SNAP29: variants seen among roughly 807,000 people sequenced by gnomAD.
SNAP29 encodes the protein synaptosomal-associated protein 29.
SNAP29 carries 13 observed loss-of-function variants against 27.9 expected under a neutral mutation model. The observed-to-expected ratio is 0.47, with a 90% CI of 0.30 to 0.74. The LOEUF is 0.74. SNAP29 is among the 30% of genes least tolerant of loss of function. The probability of loss-of-function intolerance (pLI) is 0.06; values close to 1 mark genes in which losing one functional copy is unlikely to be tolerated. For missense variants in SNAP29, 368 were observed against 336.5 expected (o/e 1.09, Z -0.73); for synonymous variants, 119 against 127.1 (o/e 0.94, Z 0.43).
At position 20,874,307 on chromosome 22, in the gene SNAP29, G is replaced by GAC. The variant is rs201563524; in HGVS notation, c.434+3782_434+3783dup. Reference sequence around the variant, plus strand: ...ACAGAGCAAGACTCTGACACACACAGACACACACAGACACACACACACACA... The same window carrying GAC: ...ACAGAGCAAGACTCTGACACACACAGACACACACACAGACACACACACACACA... On this transcript the variant is annotated intron_variant, in intron 2 of 4. Transcript: ENST00000215730. 2.5e-3 allele frequency among the ~76,000 whole-genome samples: 298 copies of GAC among 117,684 alleles called. 5 individuals carry two copies. The East Asian group carries it at 0.053, about 21-fold the overall frequency. The allele number at this position is 117,684 out of a possible 152,430, so 77.2% of individuals were successfully genotyped here.
Position 20,883,499 on chromosome 22 carries a change from C to A in SNAP29, c.549C>A (p.Ala183=). 6.2e-7 allele frequency: 1 copy of A among 1,613,370 alleles called. No homozygotes were observed. Among genetic ancestry groups the A allele is most frequent in the South Asian group, 1.1e-5 (1 of 91,040 alleles). The change falls in exon 4 of 5, where the codon GCC becomes GCA. Residue 183 remains alanine (A), a synonymous_variant. Coordinates refer to ENST00000215730, the MANE Select transcript of SNAP29 (RefSeq NM_004782.4). ...TDPVPRGAGS[A]MSTDAYPKNP... is the part of the protein sequence containing the mutation. Reference sequence around the variant, plus strand: ...CTGTCCCCAGAGGGGCTGGTTCTGCCATGAGTACTGATGCTTACCCAAAGA... The same window carrying A: ...CTGTCCCCAGAGGGGCTGGTTCTGCAATGAGTACTGATGCTTACCCAAAGA...
chr22:20,866,246 GACCCGA>G (rs1928456621), intron 1 of SNAP29, among the ~76,000 whole-genome samples: 1 of 152,192 alleles, frequency 6.6e-6, no homozygotes, highest in Non-Finnish European at 1.5e-5. Flanking sequence ...TGCACCCTAA[GACCCGA>G]TTTGTCTCTG....
intron 1 of SNAP29, among the ~76,000 whole-genome samples, chr22:20,868,983 G>A (rs534120726): frequency 3.9e-5 from 6 of 152,278 alleles, no homozygotes; most frequent in Admixed American, 2.6e-4. Context: ...TCCCTGCCTC[G>A]TGGAGCTCAT....
chr22:20,871,876 C>T (rs1034503086), intron 2 of SNAP29, among the ~76,000 whole-genome samples: 3 of 150,728 alleles, frequency 2.0e-5, no homozygotes, highest in South Asian at 2.1e-4. Flanking sequence ...AGCAAGACTC[C>T]GTCTCAAAAA....
At chr22:20,869,237 G>A (rs942736830) in intron 1 of SNAP29, among the ~76,000 whole-genome samples, 10 of 152,314 alleles carry the variant, frequency 6.6e-5, no homozygotes, top group African/African-American at 2.2e-4. Context: ...TCCAGCCTGG[G>A]TGACAGAGCA....
Position 20,859,233 on chromosome 22 carries a change from G to C in SNAP29, c.123G>C (p.Arg41Ser). The C allele has an allele frequency of 1.9e-6, 3 of 1,606,830 alleles. No homozygotes were observed. Among genetic ancestry groups the C allele is most frequent in the Non-Finnish European group, 2.5e-6 (3 of 1,177,538 alleles). The change falls in exon 1 of 5, where the codon AGG becomes AGC. Residue 41 changes from arginine (R) to serine (S), a missense_variant. Transcript: ENST00000215730. ...ACGGGCCCGACGCGCCCGCGGACAG[G>C]CAGCAGTACTTGCGGCAGGAGGTCC... ...LPDGPDAPAD[R>S]QQYLRQEVLR... is the part of the protein sequence containing the mutation.
At position 20,870,428 on chromosome 22, in the gene SNAP29, A is replaced by G. The variant is rs755071718; in HGVS notation, c.329A>G (p.Asn110Ser). The change falls in exon 2 of 5, where the codon AAT becomes AGT. Residue 110 changes from asparagine (N) to serine (S), a missense_variant. Transcript: ENST00000215730. ...TTGAAGATCAGCCAGAAACACATCA[A>G]TAGCATTAAGAGCGTGTTTGGGGGG... Reference protein sequence around the residue: ...QDLKISQKHINSIKSVFGGLV... With the variant: ...QDLKISQKHISSIKSVFGGLV... 8 of 1,614,086 alleles carry G rather than the reference A, an allele frequency of 5.0e-6. No homozygotes were observed. In the African/African-American group the frequency reaches 6.7e-5, roughly 13 times the overall value.
chr22:20,877,213 G>A (rs1456288690), intron 2 of SNAP29, among the ~76,000 whole-genome samples: 1 of 151,900 alleles, frequency 6.6e-6, no homozygotes, highest in Non-Finnish European at 1.5e-5. Flanking sequence ...ACAAAGTCAG[G>A]TGTTCAAGAC....
At position 20,887,874 on chromosome 22, in the gene SNAP29, T is replaced by G. The variant is rs768473559; in HGVS notation, c.*38T>G. 42 of 1,590,404 alleles carry G rather than the reference T, an allele frequency of 2.6e-5. No homozygotes were observed. Among genetic ancestry groups the G allele is most frequent in the South Asian group, 4.4e-5 (4 of 90,464 alleles). ...TTCCACTCTATTGTGATGAAAAGAT[T>G]TGAAAGATCTTTTTTTGAACTTCCA... On this transcript the variant is annotated 3_prime_UTR_variant, in exon 5 of 5. Coordinates refer to ENST00000215730, the MANE Select transcript of SNAP29 (RefSeq NM_004782.4).
chr22:20,871,880 T>C (rs1354719292), intron 2 of SNAP29, among the ~76,000 whole-genome samples: 1 of 150,592 alleles, frequency 6.6e-6, no homozygotes, highest in Non-Finnish European at 1.5e-5. Flanking sequence ...AGACTCCGTC[T>C]CAAAAAAAAA....
At chr22:20,868,944 T>C (rs1202824922) in intron 1 of SNAP29, among the ~76,000 whole-genome samples, 1 of 152,200 alleles carries the variant, frequency 6.6e-6, no homozygotes, top group South Asian at 2.1e-4. Flanking sequence ...TGGGCAGATT[T>C]GCAGAGACTC....
chr22:20,873,513 G>A (rs950317111), intron 2 of SNAP29, among the ~76,000 whole-genome samples: 2 of 152,144 alleles, frequency 1.3e-5, no homozygotes, highest in African/African-American at 2.4e-5. Flanking sequence ...CAAAGCTGGT[G>A]GTGATGGCAG....
At chr22:20,870,870 C>A (rs1031069305) in intron 2 of SNAP29, 2 of 369,598 alleles carry the variant, frequency 5.4e-6, no homozygotes, top group Admixed American at 3.9e-5. Flanking sequence ...GGTGCAGTGG[C>A]TCACACCTGT....
intron 1 of SNAP29, among the ~76,000 whole-genome samples, chr22:20,864,431 C>G (rs1393606954): frequency 6.6e-6 from 1 of 152,122 alleles, no homozygotes; most frequent in South Asian, 2.1e-4. Flanking sequence ...CCTCCTGGCC[C>G]AGGAGCAGAG....
intron 2 of SNAP29, among the ~76,000 whole-genome samples, chr22:20,873,262 C>T (rs1343034686): frequency 6.6e-6 from 1 of 152,050 alleles, no homozygotes; most frequent in Non-Finnish European, 1.5e-5. Flanking sequence ...CCTCCCACCT[C>T]GGCCTCCCAA....
chr22:20,877,487 C>T (rs1399878227), intron 2 of SNAP29, among the ~76,000 whole-genome samples: 1 of 151,944 alleles, frequency 6.6e-6, no homozygotes, highest in Non-Finnish European at 1.5e-5. Flanking sequence ...ACCAGGGAGG[C>T]AGAGGTTGCA....
chr22:20,870,966 A>G (rs545206888), intron 2 of SNAP29: 206 of 298,704 alleles, frequency 6.9e-4, no homozygotes, highest in African/African-American at 4.2e-3. Context: ...GTGGGAACCC[A>G]GTCTTTACAA....
intron 2 of SNAP29, chr22:20,870,839 T>C: frequency 2.3e-6 from 1 of 426,420 alleles, no homozygotes; most frequent in South Asian, 2.1e-5. Context: ...TAATTTTTGC[T>C]TTAAAAAATC....
In SNAP29 at chr22:20,889,764, C is replaced by A. The variant is rs1374600328; in HGVS notation, c.*1928C>A. 1 of 152,216 alleles carries A rather than the reference C, an allele frequency of 6.6e-6. No homozygotes were observed. Among genetic ancestry groups the A allele is most frequent in the Admixed American group, 6.6e-5 (1 of 15,260 alleles). The allele number at this position is 152,216 out of a possible 1,614,324, so 9.4% of individuals were successfully genotyped here. On this transcript the variant is annotated 3_prime_UTR_variant, in exon 5 of 5. Coordinates refer to ENST00000215730, the MANE Select transcript of SNAP29 (RefSeq NM_004782.4). ...TGGAGATTAGTCATTATAGCTCAGACCTAAGCTAATTATTTAAAATAAATA... is the reference window on the plus strand; with the variant it reads ...TGGAGATTAGTCATTATAGCTCAGAACTAAGCTAATTATTTAAAATAAATA...
Sources: allele counts gnomAD v4.1 joint callset (sites outside exome capture counted in the v4.1 genomes callset), GRCh38; gene constraint gnomAD v4.1.1; transcripts MANE v1.5; gene names NCBI Gene and HGNC (gene_info 2026-07-23, HGNC 2026-07-21).